Variants in CCDC144A observed in about 807,000 individuals in gnomAD.
CCDC144A encodes the protein coiled-coil domain containing 144A, also known as coiled-coil domain-containing protein 144A.
Under a neutral mutation model 143.8 loss-of-function variants are expected in CCDC144A, and 41 were observed. The ratio of observed to expected loss-of-function variants is 0.29; its 90% CI spans 0.22 to 0.37. The LOEUF is 0.37. CCDC144A is among the 10% of genes least tolerant of loss of function. CCDC144A has a pLI of 1.00. For missense variants in CCDC144A, 637 were observed against 1,488.8 expected, an observed-to-expected ratio of 0.43 and a Z score of 9.41; for synonymous variants, 242 against 517.9, an observed-to-expected ratio of 0.47 and a Z score of 7.23.
chr17:16,683,517 T>G, the CCDC144A span: 1 of 1,523,782 alleles, frequency 6.6e-7, no homozygotes, highest in Non-Finnish European at 9.1e-7. Flanking sequence ...CGGGATGTTC[T>G]ATGCCGTGAG....
At chr17:16,702,790 T>G (rs1911809620) in intron 2 of CCDC144A, among the ~76,000 whole-genome samples, 1 of 151,292 alleles carries the variant, frequency 6.6e-6, no homozygotes, top group Non-Finnish European at 1.5e-5. Context: ...TGATGGAGGG[T>G]GGTAAAATGA....
At chr17:16,686,307 CA>C (rs1910780277), upstream of CCDC144A, among the ~76,000 whole-genome samples, 1 of 152,090 alleles carries the variant, frequency 6.6e-6, no homozygotes, top group South Asian at 2.1e-4. Flanking sequence ...AGCCCCTCTC[CA>C]ATGGGAGCCC....
chr17:16,713,187 T>G (rs1912548414), intron 6 of CCDC144A, among the ~76,000 whole-genome samples: 3 of 152,052 alleles, frequency 2.0e-5, no homozygotes, highest in Non-Finnish European at 2.9e-5. Context: ...TTAGGCCTTG[T>G]GAATTATAAA....
At chr17:16,772,630 C>A (rs201462518) in intron 16 of CCDC144A, 30,729 of 1,561,842 alleles carry the variant, frequency 0.02, 88 homozygotes, top group Middle Eastern at 0.029. Context: ...CACAGAATTC[C>A]ACAGTGCTCG....
At chr17:16,688,868 A>G (rs1241465161), upstream of CCDC144A, among the ~76,000 whole-genome samples, 1 of 152,144 alleles carries the variant, frequency 6.6e-6, no homozygotes, top group East Asian at 1.9e-4. Context: ...CTTCTTTGCT[A>G]TACTAAAAAT....
chr17:16,742,303 C>T (rs1379734553), intron 12 of CCDC144A, among the ~76,000 whole-genome samples: 1 of 152,154 alleles, frequency 6.6e-6, no homozygotes, highest in Non-Finnish European at 1.5e-5. Flanking sequence ...TGAGTGAAAA[C>T]ATACAGTAGT....
chr17:16,724,153 A>C lies in CCDC144A; in HGVS notation c.1892-3374A>C, dbSNP rs537484605. ...TAAAATATTTGAATATTTTGATGAGATATTTTGTTACTAATTTGTGACTTG... is the reference window on the plus strand; with the variant it reads ...TAAAATATTTGAATATTTTGATGAGCTATTTTGTTACTAATTTGTGACTTG... On this transcript the variant is annotated intron_variant, in intron 8 of 16. Coordinates refer to ENST00000399273, the MANE Select transcript of CCDC144A (RefSeq NM_001382000.1). Among the ~76,000 whole-genome samples, 4 of 152,162 alleles carry C rather than the reference A, an allele frequency of 2.6e-5. No homozygotes were observed. In the East Asian group the frequency reaches 7.7e-4, roughly 29 times the overall value.
rs762872813 is a variant in CCDC144A, at chr17:16,709,295, A to G, written c.1238A>G (p.His413Arg). ...CDNDNKPGIGHIFSTDKNFHN... is the reference protein window; with the variant it reads ...CDNDNKPGIGRIFSTDKNFHN... The stretch of plus-strand genomic sequence containing the variant: ...AATGATAACAAACCAGGCATTGGAC[A>G]TATTTTTAGTACAGATAAGAACTTT... The change falls in exon 5 of 17, where the codon CAT (histidine) becomes CGT (arginine). Residue 413 changes from histidine to arginine, a missense_variant. His to Arg is a conservative substitution (Grantham distance 29, BLOSUM62 0). Transcript: ENST00000399273. The G allele has an allele frequency of 3.1e-6, 5 of 1,611,688 alleles. No individual in the cohort carries two copies. Among genetic ancestry groups the G allele is most frequent in the Admixed American group, 1.7e-5 (1 of 60,004 alleles).
At chr17:16,686,745 CAA>C (rs1491365479), upstream of CCDC144A, among the ~76,000 whole-genome samples, 3 of 120,234 alleles carry the variant, frequency 2.5e-5, no homozygotes, top group East Asian at 3.7e-4. Flanking sequence ...GTCACACACA[CAA>C]ACACACACAC....
At chr17:16,683,486 C>T in the CCDC144A span, 3 of 1,449,912 alleles carry the variant, frequency 2.1e-6, no homozygotes, top group East Asian at 2.3e-5. Flanking sequence ...CCGCCTTGCC[C>T]TGCCGCCGCT....
At chr17:16,745,662 G>A (rs1914464213) in intron 12 of CCDC144A, 1 of 1,605,376 alleles carries the variant, frequency 6.2e-7, no homozygotes, top group East Asian at 2.2e-5. Flanking sequence ...CTCAGGACCA[G>A]TCCCCGAACC....
intron 15 of CCDC144A, among the ~76,000 whole-genome samples, chr17:16,769,900 T>C (rs945459673): frequency 2.6e-5 from 4 of 152,026 alleles, no homozygotes; most frequent in Non-Finnish European, 5.9e-5. Context: ...TGATCTCTGC[T>C]CACTGCAACC....
At position 16,746,064 on chromosome 17, in the gene CCDC144A, G is replaced by A. The variant is rs557358473; in HGVS notation, c.3372+10421G>A. 6.3e-5 allele frequency: 101 copies of A among 1,609,274 alleles called. No individual in the cohort carries two copies. In the African/African-American group the frequency reaches 1.0e-3, roughly 16 times the overall value. On this transcript the variant is annotated intron_variant, in intron 12 of 16. Coordinates refer to ENST00000399273, the MANE Select transcript of CCDC144A (RefSeq NM_001382000.1). ...ACTGCCGCTGTGTGACGTCTCCTGG[G>A]GCTCCTTCAGCGAGCCTTCCACGGG...
chr17:16,679,006 G>A, the CCDC144A span, among the ~76,000 whole-genome samples: 9 of 151,788 alleles, frequency 5.9e-5, no homozygotes, highest in Non-Finnish European at 7.4e-5. Flanking sequence ...CGCCCGCCTC[G>A]GCCTTCCAAA....
intron 12 of CCDC144A, among the ~76,000 whole-genome samples, chr17:16,749,405 C>T (rs942394500): frequency 4.5e-4 from 69 of 152,244 alleles, no homozygotes; most frequent in Non-Finnish European, 8.4e-4. Flanking sequence ...TTTCAGAGAT[C>T]TTCTTGGTAT....
chr17:16,684,316 T>A, the CCDC144A span: 1 of 734,522 alleles, frequency 1.4e-6, no homozygotes, highest in South Asian at 1.5e-5. Context: ...GTAAGTGGTT[T>A]AATGACATAA....
the CCDC144A span, among the ~76,000 whole-genome samples, chr17:16,677,160 T>G: frequency 2.0e-5 from 3 of 152,106 alleles, no homozygotes; most frequent in Admixed American, 2.0e-4. Flanking sequence ...TCTCTCCTTC[T>G]GCACCTTCGT....
the CCDC144A span, among the ~76,000 whole-genome samples, chr17:16,669,171 C>T: frequency 1.3e-5 from 2 of 152,114 alleles, no homozygotes; most frequent in African/African-American, 4.8e-5. Flanking sequence ...GTAGTTGCTT[C>T]CTATACTATA....
chr17:16,732,425 T>C (rs1913778793), intron 10 of CCDC144A, 113 bp from the exon 11 acceptor site: 1 of 617,004 alleles, frequency 1.6e-6, no homozygotes, highest in African/African-American at 1.9e-5. Context: ...TAAAAGTTCT[T>C]GTGTTTTAAC....
Sources: allele counts gnomAD v4.1 joint callset (sites outside exome capture counted in the v4.1 genomes callset), GRCh38; gene constraint gnomAD v4.1.1; transcripts MANE v1.5; gene names NCBI Gene and HGNC (gene_info 2026-07-23, HGNC 2026-07-21).